FHL2: variants seen among roughly 807,000 people sequenced by gnomAD.
FHL2 encodes four and a half LIM domains protein 2.
A neutral mutation model predicts 32.7 loss-of-function variants in FHL2; 20 were observed. The ratio of observed to expected loss-of-function variants is 0.61; its 90% confidence interval spans 0.43 to 0.89. The LOEUF (loss-of-function observed/expected upper bound fraction) is 0.89. Among genes scored for constraint, FHL2 ranks in the 40% least tolerant of loss-of-function variants. The pLI, the probability that FHL2 is intolerant of heterozygous loss-of-function variation, is 0.00. For missense variants in FHL2, 311 were observed against 358.6 expected (o/e 0.87, Z 1.07); for synonymous variants, 123 against 128.1 (o/e 0.96, Z 0.27).
At chr2:105,399,281 T>C, upstream of FHL2, 1 of 1,535,780 alleles carries the variant, frequency 6.5e-7, no homozygotes, top group Non-Finnish European at 8.7e-7. Context: ...ACAGTAGTTA[T>C]CGGGAGCGTC....
intron 5 of FHL2, among the ~76,000 whole-genome samples, chr2:105,364,117 G>A (rs1680473184): frequency 6.6e-6 from 1 of 152,122 alleles, no homozygotes; most frequent in South Asian, 2.1e-4. Flanking sequence ...AATTAGCTGA[G>A]TGTGGTGGTG....
intron 3 of FHL2, chr2:105,373,952 A>G: frequency 1.7e-6 from 1 of 579,784 alleles, no homozygotes. Flanking sequence ...CAGGTTAGAC[A>G]GATGTGCATG....
chr2:105,371,508 C>T (rs1425681255), intron 4 of FHL2, among the ~76,000 whole-genome samples: 3 of 152,074 alleles, frequency 2.0e-5, no homozygotes, highest in Middle Eastern at 3.4e-3. Flanking sequence ...AGATTCCAGA[C>T]TTACCGCCTC....
intron 2 of FHL2, chr2:105,390,069 A>G (rs1289824383): frequency 1.4e-5 from 2 of 141,458 alleles, no homozygotes; most frequent in Non-Finnish European, 3.2e-5. Context: ...TCTACTAAAA[A>G]TACAAAAAAA....
chr2:105,429,991 A>C (rs10201607), intron 1 of FHL2, among the ~76,000 whole-genome samples: 2,810 of 152,230 alleles, frequency 0.018, 34 homozygotes, highest in Middle Eastern at 0.048. Context: ...TGGTTCTGGG[A>C]AGTTAAAATC....
upstream of FHL2, chr2:105,399,310 C>T (rs2104637522): frequency 1.2e-5 from 18 of 1,535,796 alleles, no homozygotes; most frequent in Non-Finnish European, 1.6e-5. Context: ...CGTGGGCTCT[C>T]GGGCGCGAGT....
chr2:105,412,393 A>T (rs1683819356), intron 1 of FHL2, among the ~76,000 whole-genome samples: 1 of 152,232 alleles, frequency 6.6e-6, no homozygotes, highest in Admixed American at 6.5e-5. Context: ...GAAAATAGAA[A>T]AAAACAAACT....
downstream of FHL2, chr2:105,360,160 G>C (rs1680156524): frequency 6.6e-6 from 1 of 152,008 alleles, no homozygotes; most frequent in African/African-American, 2.4e-5. Context: ...AATTAGCCGG[G>C]CATAATGGTG....
intron 1 of FHL2, among the ~76,000 whole-genome samples, chr2:105,415,632 C>T (rs971727018): frequency 2.0e-5 from 3 of 152,126 alleles, no homozygotes; most frequent in African/African-American, 4.8e-5. Flanking sequence ...TTTGCAAGAA[C>T]GAAAACCGTG....
intron 1 of FHL2, among the ~76,000 whole-genome samples, chr2:105,431,582 T>C (rs920851122): frequency 6.6e-6 from 1 of 152,134 alleles, no homozygotes; most frequent in Non-Finnish European, 1.5e-5. Flanking sequence ...CCTCTCTAGA[T>C]GGACAGAGAG....
intron 2 of FHL2, among the ~76,000 whole-genome samples, chr2:105,392,885 T>C (rs1480803756): frequency 6.9e-6 from 1 of 145,956 alleles, no homozygotes; most frequent in African/African-American, 2.5e-5. Context: ...ACTGGCCCTA[T>C]CTTGGCTCAC....
upstream of FHL2, among the ~76,000 whole-genome samples, chr2:105,402,055 G>A (rs557949267): frequency 1.9e-4 from 28 of 146,936 alleles, no homozygotes; most frequent in African/African-American, 6.5e-4. Flanking sequence ...GTATATATAC[G>A]TATGTATGTA....
chr2:105,373,415 TA>T, intron 4 of FHL2, 143 bp downstream of exon 4: 4 of 809,634 alleles, frequency 4.9e-6, no homozygotes, highest in Non-Finnish European at 8.3e-6. Flanking sequence ...GTAAGTACTC[TA>T]AATACTCCTC....
At chr2:105,401,259 T>A (rs2104642037), upstream of FHL2, among the ~76,000 whole-genome samples, 1 of 152,278 alleles carries the variant, frequency 6.6e-6, no homozygotes, top group Middle Eastern at 3.4e-3. Flanking sequence ...TCCTTGCTTT[T>A]CAAGAACAGT....
At chr2:105,383,251 G>C (rs747811262) in intron 3 of FHL2, among the ~76,000 whole-genome samples, 1 of 152,210 alleles carries the variant, frequency 6.6e-6, no homozygotes, top group Non-Finnish European at 1.5e-5. Context: ...CAAAAACTCT[G>C]TAATCAGTCT....
chr2:105,399,298 G>A, upstream of FHL2: 1 of 1,535,832 alleles, frequency 6.5e-7, no homozygotes, highest in Non-Finnish European at 8.7e-7. Context: ...CGTCGCCTCC[G>A]GCGTGGGCTC....
upstream of FHL2, chr2:105,399,366 G>A: frequency 1.3e-6 from 2 of 1,536,018 alleles, no homozygotes; most frequent in Non-Finnish European, 1.7e-6. Context: ...CCCACGCCGG[G>A]ATCTCTGCCT....
intron 1 of FHL2, among the ~76,000 whole-genome samples, chr2:105,435,741 G>A (rs1035520899): frequency 2.0e-5 from 3 of 152,176 alleles, no homozygotes; most frequent in African/African-American, 7.2e-5. Context: ...AGAATCACTT[G>A]AACCCAGGAG....
intron 1 of FHL2, among the ~76,000 whole-genome samples, chr2:105,430,138 G>A (rs1684384479): frequency 6.6e-6 from 1 of 152,130 alleles, no homozygotes; most frequent in Non-Finnish European, 1.5e-5. Flanking sequence ...GGTGAACAAG[G>A]GACATTAGAC....
Sources: allele counts gnomAD v4.1 joint callset (sites outside exome capture counted in the v4.1 genomes callset), GRCh38; gene constraint gnomAD v4.1.1; transcripts MANE v1.5; gene names NCBI Gene and HGNC (gene_info 2026-07-23, HGNC 2026-07-21).